The following PMEPA1 variants were observed in gnomAD, a reference collection of about 807,000 sequenced individuals.
The protein encoded by PMEPA1 is protein TMEPAI.
Under a neutral mutation model 23.0 loss-of-function variants are expected in PMEPA1, and 11 were observed. That is an observed-to-expected ratio of 0.48 (90% confidence interval 0.30 to 0.79). The LOEUF (loss-of-function observed/expected upper bound fraction) is 0.79, where lower values mean the gene tolerates loss of function less well. Among genes scored for constraint, PMEPA1 ranks in the 30% least tolerant of loss-of-function variants. The probability of loss-of-function intolerance (pLI) is 0.06; values close to 1 mark genes in which losing one functional copy is unlikely to be tolerated. For synonymous variants in PMEPA1, 204 were observed against 166.4 expected (o/e 1.23, Z -1.74); for missense variants, 377 against 390.9 (o/e 0.96, Z 0.30).
intron 1 of PMEPA1, among the ~76,000 whole-genome samples, chr20:57,700,989 C>T (rs1198134282): frequency 2.0e-5 from 3 of 151,314 alleles, no homozygotes; most frequent in African/African-American, 7.3e-5. Flanking sequence ...GAGATCGCAC[C>T]ACTGCACTCC....
chr20:57,698,066 G>T (rs547907480), intron 1 of PMEPA1, among the ~76,000 whole-genome samples: 1 of 152,234 alleles, frequency 6.6e-6, no homozygotes, highest in South Asian at 2.1e-4. Flanking sequence ...TGCATCTGTG[G>T]CTTATGACTT....
chr20:57,678,503 G>T (rs888345653), intron 1 of PMEPA1, among the ~76,000 whole-genome samples: 1 of 152,216 alleles, frequency 6.6e-6, no homozygotes. Flanking sequence ...GGGGGAGGGG[G>T]TTAGTTTCCT....
In PMEPA1 at chr20:57,650,386, G is replaced by T. The variant is rs55816771; in HGVS notation, c.*1667C>A. 48,266 of 152,154 alleles carry T rather than the reference G, an allele frequency of 0.32. 10,040 individuals carry two copies. The highest frequency in any genetic ancestry group is 0.46 in the Non-Finnish European group (31,036 of 67,976). The allele number at this position is 152,154 out of a possible 1,614,324, so 9.4% of individuals were successfully genotyped here. A position where few individuals can be genotyped will look rare whatever the true frequency, so the allele number is the denominator to read the frequency against. On this transcript the variant is annotated 3_prime_UTR_variant, in exon 4 of 4. Transcript: ENST00000341744. ...TCCCACCCCCATGGGGAGGAAAGACGTCAAGCTCCAGCCACTGGCCCCGGT... is the reference window on the plus strand; with the variant it reads ...TCCCACCCCCATGGGGAGGAAAGACTTCAAGCTCCAGCCACTGGCCCCGGT...
chr20:57,675,645 C>T (rs1328095110), intron 1 of PMEPA1, among the ~76,000 whole-genome samples: 1 of 152,194 alleles, frequency 6.6e-6, no homozygotes, highest in Non-Finnish European at 1.5e-5. Context: ...AATGGATTGC[C>T]GGGCCCAGCG....
In PMEPA1 at chr20:57,651,854, C is replaced by A; in HGVS notation, c.*199G>T. ...AACGTGGTTTTTTTTTTTCTTTTTT[C>A]TTTTTTTTTTTGCAAGCTCTCTTAG... On this transcript the variant is annotated 3_prime_UTR_variant, in exon 4 of 4. Coordinates refer to ENST00000341744, the MANE Select transcript of PMEPA1 (RefSeq NM_020182.5). 6.4e-5 allele frequency: 17 copies of A among 263,568 alleles called. No homozygotes were observed. Among genetic ancestry groups the A allele is most frequent in the South Asian group, 3.6e-4 (2 of 5,520 alleles). The allele number at this position is 263,568 out of a possible 1,614,324, so 16.3% of individuals were successfully genotyped here.
At position 57,704,803 on chromosome 20, in the gene PMEPA1, C is replaced by T. The variant is rs941298979; in HGVS notation, c.109+4671G>A. Among the ~76,000 whole-genome samples, 86 of 152,296 alleles carry T rather than the reference C, an allele frequency of 5.6e-4. No individual in the cohort carries two copies. The highest frequency in any genetic ancestry group is 1.9e-3 in the African/African-American group (81 of 41,564). ...GCAGGCATGTGGGCACACCTGACCC[C>T]GTGGCTCTGGGGCAATTTGGTGGCG... On this transcript the variant is annotated intron_variant, in intron 1 of 3. Coordinates refer to ENST00000341744, the MANE Select transcript of PMEPA1 (RefSeq NM_020182.5). This position sits in a 1 kb window ranked among gnomAD's most constrained non-coding sequence, Gnocchi z 4.6.
At chr20:57,691,543 A>C (rs1249985865) in intron 1 of PMEPA1, among the ~76,000 whole-genome samples, 9 of 152,170 alleles carry the variant, frequency 5.9e-5, no homozygotes, top group Non-Finnish European at 1.3e-4. Context: ...CCCTGAGCTG[A>C]TGCCAGCTCC....
chr20:57,656,737 G>A lies in PMEPA1; in HGVS notation c.264+2806C>T, dbSNP rs1325469133. 6.6e-6 allele frequency among the ~76,000 whole-genome samples: 1 copy of A among 152,198 alleles called. No homozygotes were observed. The highest frequency in any genetic ancestry group is 1.5e-5 in the Non-Finnish European group (1 of 68,032). Reference sequence around the variant, plus strand: ...TCTTACCTGAGATGGTGAGGCAGGTGGGTGAGGCACGAGCTCTTGTCTCCA... The same window carrying A: ...TCTTACCTGAGATGGTGAGGCAGGTAGGTGAGGCACGAGCTCTTGTCTCCA... On this transcript the variant is annotated intron_variant, in intron 2 of 3. Coordinates refer to ENST00000341744, the MANE Select transcript of PMEPA1 (RefSeq NM_020182.5). This position sits in a 1 kb window ranked among gnomAD's most constrained non-coding sequence, Gnocchi z 4.7.
chr20:57,692,035 C>G (rs932552827), intron 1 of PMEPA1, among the ~76,000 whole-genome samples: 2 of 152,194 alleles, frequency 1.3e-5, no homozygotes, highest in Non-Finnish European at 2.9e-5. Flanking sequence ...TCCCTTTTCA[C>G]GGGTAGGTCC....
chr20:57,701,740 T>C (rs2072014293), intron 1 of PMEPA1, among the ~76,000 whole-genome samples: 1 of 152,136 alleles, frequency 6.6e-6, no homozygotes, highest in Non-Finnish European at 1.5e-5. Context: ...CTCGGGAGGA[T>C]ACCACGCTCA....
At chr20:57,706,080 G>A (rs886776295) in intron 1 of PMEPA1, among the ~76,000 whole-genome samples, 2 of 152,158 alleles carry the variant, frequency 1.3e-5, no homozygotes, top group Non-Finnish European at 2.9e-5. Flanking sequence ...TCAGAGGCTC[G>A]GTGACTCTGG....
rs767148468 is a variant in PMEPA1 at position 57,652,318 on chromosome 20, G to T, written c.599C>A (p.Ala200Asp). 4 of 1,611,884 alleles carry T rather than the reference G, an allele frequency of 2.5e-6. No individual in the cohort carries two copies. The South Asian group carries it at 4.4e-5, about 18-fold the overall frequency. The change falls in exon 4 of 4, where the codon GCC becomes GAC. Residue 200 changes from alanine (A) to aspartate (D), a missense_variant. Ala to Asp is a moderately radical substitution (Grantham distance 126). Around this residue, in one of 3 missense-constraint regions of PMEPA1, gnomAD observed 176 missense variants for 173.0 expected, o/e 1.02. Coordinates refer to ENST00000341744, the MANE Select transcript of PMEPA1 (RefSeq NM_020182.5). This position sits in a 1 kb window ranked among gnomAD's most constrained non-coding sequence, Gnocchi z 6.1. ...TIFDSDLMDS[A>D]RLGGPCPPSS... Reference sequence around the variant, plus strand: ...GGGGGGGCAGGGGCCGCCCAGCCTGGCACTATCCATCAGGTCACTGTCGAA... The same window carrying T: ...GGGGGGGCAGGGGCCGCCCAGCCTGTCACTATCCATCAGGTCACTGTCGAA...
At chr20:57,705,936 CA>C (rs1157200856) in intron 1 of PMEPA1, among the ~76,000 whole-genome samples, 3 of 152,214 alleles carry the variant, frequency 2.0e-5, no homozygotes, top group African/African-American at 7.2e-5. Context: ...AGTGCCAAGG[CA>C]CTGTCTCTAC....
In PMEPA1 at chr20:57,656,325, T is replaced by C. The variant is rs935458288; in HGVS notation, c.264+3218A>G. Among the ~76,000 whole-genome samples, 1 of 151,536 alleles carries C rather than the reference T, an allele frequency of 6.6e-6. No individual in the cohort carries two copies. ...TCGCACATTGGCCTGGCCACAGTCT[T>C]GTCCCTGCCCCTGGGAAATGGGCCC... On this transcript the variant is annotated intron_variant, in intron 2 of 3. Transcript: ENST00000341744. The surrounding 1 kb of genome is among the most constrained non-coding windows in gnomAD (Gnocchi z 4.7).
Position 57,657,818 on chromosome 20 carries a change from C to T in PMEPA1, c.264+1725G>A, listed in dbSNP as rs765055350. Among the ~76,000 whole-genome samples the T allele has an allele frequency of 4.1e-4, 62 of 152,318 alleles. 1 individual carries two copies. Among genetic ancestry groups the T allele is most frequent in the Non-Finnish European group, 7.4e-4 (50 of 68,018 alleles). On this transcript the variant is annotated intron_variant, in intron 2 of 3. Transcript: ENST00000341744. ...TCTGGGCGCCACCACCAACCCCAGG[C>T]GTCCCCAGAAGTGGGGAGGCCACAC...
intron 1 of PMEPA1, among the ~76,000 whole-genome samples, chr20:57,688,950 G>A (rs933973811): frequency 2.0e-5 from 3 of 152,202 alleles, no homozygotes; most frequent in African/African-American, 7.2e-5. Context: ...GGTTTCTTTG[G>A]CTCAGACCTG....
intron 2 of PMEPA1, among the ~76,000 whole-genome samples, chr20:57,653,466 C>A (rs140582796): frequency 0.013 from 1,998 of 152,336 alleles, 14 homozygotes; most frequent in South Asian, 0.021. Context: ...TGGGCCTGGG[C>A]CCCCTGCTGG....
intron 1 of PMEPA1, among the ~76,000 whole-genome samples, chr20:57,678,895 CA>C (rs539473812): frequency 7.2e-4 from 110 of 152,274 alleles, no homozygotes; most frequent in South Asian, 6.6e-3. Context: ...AAGGATGTCC[CA>C]AACTACCACT....
At chr20:57,706,452 C>G (rs1336207944) in intron 1 of PMEPA1, among the ~76,000 whole-genome samples, 2 of 152,124 alleles carry the variant, frequency 1.3e-5, no homozygotes, top group African/African-American at 2.4e-5. Context: ...ATCCCAGGAC[C>G]CTTGGCTTTT....
Sources: gnomAD v4.1 joint callset for allele counts (sites outside exome capture counted in the v4.1 genomes callset) on GRCh38, gnomAD v4.1.1 for gene constraint, gnomAD v4.1.1 regional missense constraint, Gnocchi (gnomAD v3.1) non-coding constraint, MANE v1.5 for transcripts, NCBI Gene and HGNC (gene_info 2026-07-23, HGNC 2026-07-21) for gene names.